The following FKTN variants were observed in gnomAD, a reference collection of about 807,000 sequenced individuals.
FKTN encodes ribitol-5-phosphate transferase FKTN.
FKTN carries 47 observed loss-of-function variants against 58.6 expected under a neutral mutation model. The observed-to-expected ratio is 0.80, with a 90% CI of 0.63 to 1.02. The LOEUF (loss-of-function observed/expected upper bound fraction) is 1.02, where lower values mean the gene tolerates loss of function less well. Ranked by LOEUF, FKTN falls within the 50% of genes least tolerant of loss-of-function variation. The pLI, the probability that FKTN is intolerant of heterozygous loss-of-function variation, is 0.00. For missense variants in FKTN, 516 were observed against 537.3 expected, an observed-to-expected ratio of 0.96 and a Z score of 0.39; for synonymous variants, 178 against 191.9, an observed-to-expected ratio of 0.93 and a Z score of 0.60.
rs193206252 is a variant in FKTN, at chr9:105,575,027, A to T, written c.-6A>T. The T allele has an allele frequency of 2.0e-6, 3 of 1,495,716 alleles. No homozygotes were observed. The African/African-American group carries it at 4.1e-5, about 21-fold the overall frequency. The allele number at this position is 1,495,716 out of a possible 1,614,324, so 92.7% of individuals were successfully genotyped here. ...CAAAAGACAACCAAGTGAGCAGCAC[A>T]GACTAATGAGTAGAATCAATAAGAA... On this transcript the variant is annotated 5_prime_UTR_variant, in exon 3 of 11. Coordinates refer to ENST00000357998, the MANE Select transcript of FKTN (RefSeq NM_001079802.2).
At position 105,636,570 on chromosome 9, in the gene FKTN, G is replaced by A; in HGVS notation, c.*1306G>A. 1 of 1,065,012 alleles carries A rather than the reference G, an allele frequency of 9.4e-7. No individual in the cohort carries two copies. Among genetic ancestry groups the A allele is most frequent in the Non-Finnish European group, 1.2e-6 (1 of 862,912 alleles). The allele number at this position is 1,065,012 out of a possible 1,614,324, so 66.0% of individuals were successfully genotyped here. ...AGATGTCTGAGTCAGCTAGGATGCT[G>A]TTTACCCCATCTCTCTCTTATATCA... is the stretch of plus-strand genomic sequence containing the variant. On this transcript the variant is annotated 3_prime_UTR_variant, in exon 11 of 11. Coordinates refer to ENST00000357998, the MANE Select transcript of FKTN (RefSeq NM_001079802.2).
intron 3 of FKTN, among the ~76,000 whole-genome samples, chr9:105,591,714 C>G (rs1030018666): frequency 2.6e-5 from 4 of 152,088 alleles, no homozygotes; most frequent in Admixed American, 2.0e-4. Flanking sequence ...CTCCAGTAGG[C>G]AGTGCCCCAG....
intron 3 of FKTN, among the ~76,000 whole-genome samples, chr9:105,584,202 A>G (rs1184403052): frequency 1.3e-5 from 2 of 152,210 alleles, no homozygotes; most frequent in Non-Finnish European, 2.9e-5. Flanking sequence ...TACATAAACT[A>G]TTTGGAACAA....
chr9:105,572,565 G>A (rs1840928127), intron 1 of FKTN, among the ~76,000 whole-genome samples: 1 of 152,184 alleles, frequency 6.6e-6, no homozygotes, highest in Non-Finnish European at 1.5e-5. Flanking sequence ...TCTGTTTGCA[G>A]TGGGATCAGG....
At chr9:105,606,725 T>C (rs1008528567) in intron 6 of FKTN, among the ~76,000 whole-genome samples, 1 of 148,744 alleles carries the variant, frequency 6.7e-6, no homozygotes, top group African/African-American at 2.5e-5. Context: ...CTATCTGGAA[T>C]CATGTGAGAT....
chr9:105,639,201 C>T lies in FKTN; in HGVS notation c.*3937C>T, dbSNP rs1012096445. Reference sequence around the variant, plus strand: ...GCATGGAAAAACTTCAGTTACTGACCAGTCAAGAGAATTTCTCAAGAAAAA... The same window carrying T: ...GCATGGAAAAACTTCAGTTACTGACTAGTCAAGAGAATTTCTCAAGAAAAA... On this transcript the variant is annotated 3_prime_UTR_variant, in exon 11 of 11. Coordinates refer to ENST00000357998, the MANE Select transcript of FKTN (RefSeq NM_001079802.2). 2.4e-5 allele frequency: 24 copies of T among 984,914 alleles called. No homozygotes were observed. Among genetic ancestry groups the T allele is most frequent in the Non-Finnish European group, 2.9e-5 (24 of 829,660 alleles). 61.0% of individuals were successfully genotyped at this position (984,914 alleles called of 1,614,324 possible).
At position 105,635,931 on chromosome 9, in the gene FKTN, T is replaced by A; in HGVS notation, c.*667T>A. 1.0e-6 allele frequency: 1 copy of A among 986,746 alleles called. No homozygotes were observed. The highest frequency in any genetic ancestry group is 1.2e-6 in the Non-Finnish European group (1 of 830,808). 61.1% of individuals were successfully genotyped at this position (986,746 alleles called of 1,614,324 possible). ...TTTCTGTACATGTACTGTTTTCATA[T>A]GTGAAGTGAGAAGAAACTTTATGCT... On this transcript the variant is annotated 3_prime_UTR_variant, in exon 11 of 11. Transcript: ENST00000357998.
At chr9:105,599,234 A>C (rs1438845778) in intron 4 of FKTN, among the ~76,000 whole-genome samples, 3 of 152,124 alleles carry the variant, frequency 2.0e-5, no homozygotes, top group Middle Eastern at 3.2e-3. Flanking sequence ...CTATATTGAA[A>C]TTATCATAGT....
chr9:105,591,624 A>G (rs1335678662), intron 3 of FKTN, among the ~76,000 whole-genome samples: 1 of 152,176 alleles, frequency 6.6e-6, no homozygotes, highest in Admixed American at 6.5e-5. Flanking sequence ...GAGTGCCTGC[A>G]GCTTTTCCTG....
chr9:105,620,223 A>G (rs1263280325), intron 10 of FKTN, 162 bp downstream of exon 10: 11 of 595,476 alleles, frequency 1.8e-5, no homozygotes, highest in Non-Finnish European at 3.2e-5. Context: ...ATGCCTGTGA[A>G]GTAAGAATAC....
At chr9:105,577,789 T>A (rs1196936813) in intron 3 of FKTN, among the ~76,000 whole-genome samples, 1 of 150,588 alleles carries the variant, frequency 6.6e-6, no homozygotes, top group Non-Finnish European at 1.5e-5. Flanking sequence ...TATTGATTCT[T>A]CCTACCCATG....
intron 10 of FKTN, among the ~76,000 whole-genome samples, chr9:105,626,946 A>G (rs1221276844): frequency 2.0e-5 from 3 of 149,928 alleles, no homozygotes; most frequent in African/African-American, 7.4e-5. Flanking sequence ...TTACTTGAAA[A>G]TATCTTCTCC....
At chr9:105,578,346 C>G (rs1258803542) in intron 3 of FKTN, among the ~76,000 whole-genome samples, 3 of 145,944 alleles carry the variant, frequency 2.1e-5, no homozygotes, top group Non-Finnish European at 3.0e-5. Flanking sequence ...TACGTCCCAT[C>G]AATACCTAAT....
At position 105,635,834 on chromosome 9, in the gene FKTN, C is replaced by G. The variant is rs1478938204; in HGVS notation, c.*570C>G. 1.0e-6 allele frequency: 1 copy of G among 996,604 alleles called. No homozygotes were observed. The highest frequency in any genetic ancestry group is 1.0e-4 in the East Asian group (1 of 9,644). 61.7% of individuals were successfully genotyped at this position (996,604 alleles called of 1,614,324 possible). A position where few individuals can be genotyped will look rare whatever the true frequency, so the allele number is the denominator to read the frequency against. On this transcript the variant is annotated 3_prime_UTR_variant, in exon 11 of 11. Transcript: ENST00000357998. ...TCTTATGTGGAATTGAATTAGAGAA[C>G]AAGGCATTATTCTTTTAGGGAAGGT...
At chr9:105,627,264 G>A (rs1365721372) in intron 10 of FKTN, among the ~76,000 whole-genome samples, 1 of 152,076 alleles carries the variant, frequency 6.6e-6, no homozygotes, top group East Asian at 1.9e-4. Flanking sequence ...GAGCTGCCAT[G>A]CCAGCCCTTC....
intron 1 of FKTN, among the ~76,000 whole-genome samples, chr9:105,564,001 C>T (rs1243266979): frequency 1.3e-5 from 2 of 152,226 alleles, no homozygotes; most frequent in Non-Finnish European, 2.9e-5. Context: ...CAGCAATATT[C>T]GCTGTTCTGC....
intron 1 of FKTN, among the ~76,000 whole-genome samples, chr9:105,562,428 C>T (rs543070162): frequency 1.3e-5 from 2 of 152,260 alleles, no homozygotes; most frequent in South Asian, 4.2e-4. Flanking sequence ...GTCACTAGTT[C>T]ACCTCTAGGT....
intron 6 of FKTN, among the ~76,000 whole-genome samples, chr9:105,606,191 C>T (rs1203456740): frequency 6.6e-6 from 1 of 152,016 alleles, no homozygotes; most frequent in Non-Finnish European, 1.5e-5. Flanking sequence ...ACACAGAGAA[C>T]TACAGGGAAA....
intron 1 of FKTN, among the ~76,000 whole-genome samples, chr9:105,573,229 ACT>A (rs1307651011): frequency 8.9e-6 from 1 of 111,788 alleles, no homozygotes; most frequent in Non-Finnish European, 1.8e-5. Context: ...ACAGAGGGAG[ACT>A]CTGTCTCAAA....
Sources: gnomAD v4.1 joint callset for allele counts (sites outside exome capture counted in the v4.1 genomes callset) on GRCh38, gnomAD v4.1.1 for gene constraint, MANE v1.5 for transcripts, NCBI Gene and HGNC (gene_info 2026-07-23, HGNC 2026-07-21) for gene names.